The following SLCO1B3 variants were observed in gnomAD, a reference collection of about 807,000 sequenced individuals.
SLCO1B3 encodes solute carrier organic anion transporter family member 1B3, also known as liver-specific organic anion transporter 2.
Under a neutral mutation model 71.8 loss-of-function variants are expected in SLCO1B3, and 72 were observed. That is an observed-to-expected ratio of 1.00 (90% CI 0.83 to 1.22). SLCO1B3 has a LOEUF of 1.22. SLCO1B3 is among the 50% of genes most tolerant of loss of function. SLCO1B3 has a pLI of 0.00. For missense variants in SLCO1B3, 911 were observed against 819.7 expected, an observed-to-expected ratio of 1.11 and a Z score of -1.36; for synonymous variants, 298 against 278.4, an observed-to-expected ratio of 1.07 and a Z score of -0.70.
At chr12:20,901,292 G>T (rs540885211) in intron 14 of SLCO1B3, 58 bp from the exon 15 acceptor site, 2 of 1,045,568 alleles carry the variant, frequency 1.9e-6, no homozygotes, top group African/African-American at 1.6e-5. Flanking sequence ...ATCGACTATC[G>T]CTCAGTTACA....
At chr12:20,818,528 G>T (rs891661471) in intron 3 of SLCO1B3, among the ~76,000 whole-genome samples, 4 of 152,126 alleles carry the variant, frequency 2.6e-5, no homozygotes, top group African/African-American at 7.2e-5. Context: ...AAGCTAATTT[G>T]CCAGTCCTGG....
Position 20,855,069 on chromosome 12 carries a change from A to C in SLCO1B3, c.126A>C (p.Ala42=), listed in dbSNP as rs1479349979. ...TGTCATTCAGCTATATTGCTAAAGC[A>C]CTAGGTGGAATCATTATGAAAATTT... is the stretch of plus-strand genomic sequence containing the variant. ...AALSFSYIAK[A]LGGIIMKISI... The change falls in exon 4 of 16, where the codon GCA becomes GCC. Residue 42 remains alanine, a synonymous_variant. Transcript: ENST00000381545. The C allele has an allele frequency of 6.2e-7, 1 of 1,612,226 alleles. No individual in the cohort carries two copies. The highest frequency in any genetic ancestry group is 8.5e-7 in the Non-Finnish European group (1 of 1,179,542).
At chr12:20,849,744 C>CACAT (rs1555154701) in intron 3 of SLCO1B3, among the ~76,000 whole-genome samples, 3,373 of 148,268 alleles carry the variant, frequency 0.023, 50 homozygotes, top group South Asian at 0.043. Flanking sequence ...CACACACACA[C>CACAT]ATATTACTTG....
At chr12:20,826,031 T>C (rs1864414209) in intron 3 of SLCO1B3, among the ~76,000 whole-genome samples, 1 of 152,156 alleles carries the variant, frequency 6.6e-6, no homozygotes, top group Admixed American at 6.5e-5. Flanking sequence ...TTCTATATTA[T>C]GTTTGCTTTT....
intron 3 of SLCO1B3, among the ~76,000 whole-genome samples, chr12:20,843,515 T>C (rs1023901825): frequency 1.3e-5 from 2 of 152,176 alleles, no homozygotes; most frequent in African/African-American, 4.8e-5. Context: ...TCCACGGGGC[T>C]CATGCCTATA....
intron 12 of SLCO1B3, 129 bp from the exon 13 acceptor site, chr12:20,883,289 T>A (rs761541093): frequency 1.9e-6 from 1 of 528,184 alleles, no homozygotes; most frequent in Non-Finnish European, 3.0e-6. Context: ...ATTAAGCAAC[T>A]ATATTTTTAT....
chr12:20,858,575 A>G lies in SLCO1B3; in HGVS notation c.359+4A>G. 1 of 1,603,152 alleles carries G rather than the reference A, an allele frequency of 6.2e-7. No individual in the cohort carries two copies. Among genetic ancestry groups the G allele is most frequent in the Non-Finnish European group, 8.5e-7 (1 of 1,171,974 alleles). Reference sequence around the variant, plus strand: ...TACCACATTTCTTCATGGGATAGTAAGTGTTAAACAGCTCTGAGCCATTTA... The same window carrying G: ...TACCACATTTCTTCATGGGATAGTAGGTGTTAAACAGCTCTGAGCCATTTA... On this transcript the variant is annotated splice_donor_region_variant and intron_variant, in intron 5 of 15. Coordinates refer to ENST00000381545, the MANE Select transcript of SLCO1B3 (RefSeq NM_019844.4).
intron 12 of SLCO1B3, among the ~76,000 whole-genome samples, chr12:20,882,641 T>A (rs2121312536): frequency 6.6e-6 from 1 of 152,218 alleles, no homozygotes; most frequent in Middle Eastern, 3.4e-3. Flanking sequence ...CGTGACCTCA[T>A]GATACGCCTG....
intron 15 of SLCO1B3, among the ~76,000 whole-genome samples, chr12:20,907,255 C>G (rs1166131102): frequency 6.6e-6 from 1 of 152,126 alleles, no homozygotes; most frequent in East Asian, 1.9e-4. Flanking sequence ...AATTCACTGT[C>G]TAACATCCCC....
chr12:20,819,614 G>A lies in SLCO1B3; in HGVS notation c.84+3792G>A, dbSNP rs541810825. ...TTGGTTGATAAGGCATAGATCCTGA[G>A]CTAACTTGTAAGGCTTGTCTGGTTT... On this transcript the variant is annotated intron_variant, in intron 3 of 15. Transcript: ENST00000381545. Among the ~76,000 whole-genome samples the A allele has an allele frequency of 4.6e-5, 7 of 152,290 alleles. No individual in the cohort carries two copies. In the South Asian group the frequency reaches 1.4e-3, roughly 32 times the overall value.
chr12:20,861,225 T>C (rs1865259109), intron 6 of SLCO1B3, 87 bp downstream of exon 6: 2 of 1,241,012 alleles, frequency 1.6e-6, no homozygotes, highest in African/African-American at 1.5e-5. Context: ...TTAACAAAAT[T>C]GATTTAAGAA....
chr12:20,861,387 G>A (rs1166679572), intron 6 of SLCO1B3, among the ~76,000 whole-genome samples: 3 of 152,150 alleles, frequency 2.0e-5, no homozygotes, highest in South Asian at 2.1e-4. Flanking sequence ...CACCACCGAT[G>A]TGGAGGTCTG....
chr12:20,855,086 T>G lies in SLCO1B3; in HGVS notation c.143T>G (p.Met48Arg). 1 of 1,612,050 alleles carries G rather than the reference T, an allele frequency of 6.2e-7. No individual in the cohort carries two copies. The highest frequency in any genetic ancestry group is 8.5e-7 in the Non-Finnish European group (1 of 1,179,180). Residue 48 changes from methionine (M) to arginine (R), a missense_variant, in exon 4 of 16, where the codon ATG becomes AGG. Physicochemically the swap from Met to Arg is moderately conservative, Grantham distance 91 (BLOSUM62 -1). Transcript: ENST00000381545. Reference sequence around the variant, plus strand: ...GCTAAAGCACTAGGTGGAATCATTATGAAAATTTCCATCACTCAAATAGAA... The same window carrying G: ...GCTAAAGCACTAGGTGGAATCATTAGGAAAATTTCCATCACTCAAATAGAA... ...YIAKALGGIIMKISITQIERR... is the reference protein window; with the variant it reads ...YIAKALGGIIRKISITQIERR...
chr12:20,860,734 G>C (rs1025635430), intron 5 of SLCO1B3, among the ~76,000 whole-genome samples: 3 of 151,734 alleles, frequency 2.0e-5, no homozygotes, highest in African/African-American at 7.3e-5. Context: ...GTGAAACCAT[G>C]ATATTTCATA....
chr12:20,852,373 G>A (rs1865043134), intron 3 of SLCO1B3, among the ~76,000 whole-genome samples: 1 of 152,132 alleles, frequency 6.6e-6, no homozygotes, highest in African/African-American at 2.4e-5. Flanking sequence ...CAGCTATTGA[G>A]GAGGCTGAGG....
chr12:20,851,460 A>T (rs1213166176), intron 3 of SLCO1B3, among the ~76,000 whole-genome samples: 1 of 152,038 alleles, frequency 6.6e-6, no homozygotes, highest in Non-Finnish European at 1.5e-5. Context: ...CCATTTATAC[A>T]TCTTGTTTGG....
intron 3 of SLCO1B3, among the ~76,000 whole-genome samples, chr12:20,839,767 T>C (rs1392273383): frequency 6.6e-6 from 1 of 152,128 alleles, no homozygotes; most frequent in African/African-American, 2.4e-5. Flanking sequence ...TCATATTCTA[T>C]TTTTGGGGTG....
chr12:20,839,588 T>C (rs1864754672), intron 3 of SLCO1B3, among the ~76,000 whole-genome samples: 1 of 152,158 alleles, frequency 6.6e-6, no homozygotes, highest in South Asian at 2.1e-4. Context: ...TTGGGACTTT[T>C]TTCCCCTTGT....
intron 3 of SLCO1B3, among the ~76,000 whole-genome samples, chr12:20,828,554 G>A (rs914225609): frequency 1.3e-5 from 2 of 151,886 alleles, no homozygotes; most frequent in African/African-American, 2.4e-5. Flanking sequence ...CAACTGAGCT[G>A]TTTCTTCTCA....
Sources: allele counts gnomAD v4.1 joint callset (sites outside exome capture counted in the v4.1 genomes callset), GRCh38; gene constraint gnomAD v4.1.1; transcripts MANE v1.5; gene names NCBI Gene and HGNC (gene_info 2026-07-23, HGNC 2026-07-21).